Variants in EPHA6 observed in about 807,000 individuals in gnomAD.
EPHA6 encodes EPH receptor A6, also known as ephrin type-A receptor 6.
Under a neutral mutation model 112.0 loss-of-function variants are expected in EPHA6, and 50 were observed. The observed-to-expected ratio is 0.45, with a 90% confidence interval of 0.36 to 0.56. The LOEUF is 0.56. EPHA6 is among the 20% of genes least tolerant of loss of function. EPHA6 has a pLI of 0.00. For synonymous variants in EPHA6, 529 were observed against 490.7 expected, an observed-to-expected ratio of 1.08 and a Z score of -1.03; for missense variants, 1,280 against 1,417.4, an observed-to-expected ratio of 0.90 and a Z score of 1.56.
At chr3:97,352,096 G>A (rs757270184) in intron 5 of EPHA6, among the ~76,000 whole-genome samples, 3 of 151,926 alleles carry the variant, frequency 2.0e-5, no homozygotes, top group Non-Finnish European at 4.4e-5. Context: ...AATGACCTAA[G>A]AGTCAATGAA....
At chr3:96,841,320 G>A (rs774787617) in intron 1 of EPHA6, among the ~76,000 whole-genome samples, 16 of 152,102 alleles carry the variant, frequency 1.1e-4, no homozygotes, top group Non-Finnish European at 1.8e-4. Context: ...AACAGAATGC[G>A]GGCGGGTTTG....
At chr3:96,947,272 T>G (rs2041314814) in intron 2 of EPHA6, among the ~76,000 whole-genome samples, 1 of 152,206 alleles carries the variant, frequency 6.6e-6, no homozygotes, top group Admixed American at 6.5e-5. Flanking sequence ...ATGTCTTGAA[T>G]GGTATTGCCT....
chr3:97,246,943 A>G (rs1312528173), intron 5 of EPHA6, among the ~76,000 whole-genome samples: 1 of 152,034 alleles, frequency 6.6e-6, no homozygotes, highest in Non-Finnish European at 1.5e-5. Flanking sequence ...GTCAGAGTGT[A>G]GTGTTCAATT....
chr3:97,588,783 G>A (rs548045724), intron 11 of EPHA6, among the ~76,000 whole-genome samples: 13 of 152,240 alleles, frequency 8.5e-5, no homozygotes, highest in South Asian at 6.2e-4. Context: ...CACAGTTTAA[G>A]CTCATTGTTA....
intron 5 of EPHA6, among the ~76,000 whole-genome samples, chr3:97,259,648 T>A (rs535038930): frequency 6.6e-6 from 1 of 152,282 alleles, no homozygotes; most frequent in East Asian, 1.9e-4. Flanking sequence ...AAGCATTTAT[T>A]AAGTCATAAT....
At chr3:97,188,778 TATA>T (rs1185216967) in intron 3 of EPHA6, among the ~76,000 whole-genome samples, 2 of 151,918 alleles carry the variant, frequency 1.3e-5, no homozygotes, top group African/African-American at 4.8e-5. Context: ...TGTACAGAGT[TATA>T]GTATTGCTGA....
At chr3:97,342,625 T>G (rs1326881662) in intron 5 of EPHA6, among the ~76,000 whole-genome samples, 1 of 152,136 alleles carries the variant, frequency 6.6e-6, no homozygotes, top group Non-Finnish European at 1.5e-5. Flanking sequence ...GATGGAGCAT[T>G]TAGGAGGTAA....
chr3:97,577,989 C>T (rs1418116079), intron 11 of EPHA6, among the ~76,000 whole-genome samples: 1 of 151,756 alleles, frequency 6.6e-6, no homozygotes, highest in Non-Finnish European at 1.5e-5. Flanking sequence ...AAATAATTGC[C>T]CAGATAGAGT....
chr3:97,611,702 T>C (rs1007193010), intron 13 of EPHA6, among the ~76,000 whole-genome samples: 11 of 151,934 alleles, frequency 7.2e-5, no homozygotes, highest in Non-Finnish European at 1.3e-4. Flanking sequence ...TATATATATA[T>C]AACTATTTTT....
chr3:97,496,119 T>A (rs1246471554), intron 10 of EPHA6, among the ~76,000 whole-genome samples: 2 of 152,156 alleles, frequency 1.3e-5, no homozygotes, highest in African/African-American at 4.8e-5. Context: ...ACTAAATGAA[T>A]TCACAGCATG....
At chr3:97,106,642 G>T (rs890317873) in intron 3 of EPHA6, among the ~76,000 whole-genome samples, 1 of 152,092 alleles carries the variant, frequency 6.6e-6, no homozygotes, top group Admixed American at 6.6e-5. Context: ...CCAGGATACA[G>T]AAAGCCCTCT....
chr3:96,904,060 G>T (rs1020479724), intron 2 of EPHA6, among the ~76,000 whole-genome samples: 1 of 151,998 alleles, frequency 6.6e-6, no homozygotes, highest in Admixed American at 6.6e-5. Flanking sequence ...GATTCCTCAG[G>T]GATCTAGAAC....
At chr3:97,343,497 A>G (rs1002577352) in intron 5 of EPHA6, among the ~76,000 whole-genome samples, 2 of 152,224 alleles carry the variant, frequency 1.3e-5, no homozygotes, top group African/African-American at 4.8e-5. Flanking sequence ...CTGCCTGTCT[A>G]TATTACAAAA....
At chr3:97,744,866 T>A (rs2035646617) in intron 16 of EPHA6, among the ~76,000 whole-genome samples, 2 of 151,974 alleles carry the variant, frequency 1.3e-5, no homozygotes, top group African/African-American at 4.8e-5. Context: ...GAAAGTCACT[T>A]TAATACATTC....
At chr3:97,570,516 G>T (rs1415934691) in intron 11 of EPHA6, among the ~76,000 whole-genome samples, 1 of 152,170 alleles carries the variant, frequency 6.6e-6, no homozygotes, top group Non-Finnish European at 1.5e-5. Flanking sequence ...TGGATCACGA[G>T]GTCGGGAGTT....
At position 96,990,748 on chromosome 3, in the gene EPHA6, G is replaced by A. The variant is rs547972971; in HGVS notation, c.1114+2755G>A. 2.0e-5 allele frequency among the ~76,000 whole-genome samples: 3 copies of A among 152,138 alleles called. No homozygotes were observed. In the East Asian group the frequency reaches 5.8e-4, roughly 29 times the overall value. ...TTTATGTGTGTTCTTGATGTTGTGT[G>A]TTGCCCCTTTCTTTCCTCTGATGAG... On this transcript the variant is annotated intron_variant, in intron 3 of 17. Coordinates refer to ENST00000389672, the MANE Select transcript of EPHA6 (RefSeq NM_001080448.3).
intron 2 of EPHA6, among the ~76,000 whole-genome samples, chr3:96,939,709 A>C (rs956133006): frequency 2.6e-5 from 4 of 152,044 alleles, no homozygotes; most frequent in Admixed American, 1.3e-4. Flanking sequence ...GTGTCAATTT[A>C]GGATCTTTCT....
intron 3 of EPHA6, among the ~76,000 whole-genome samples, chr3:97,157,629 A>G (rs2076319071): frequency 6.6e-6 from 1 of 151,938 alleles, no homozygotes; most frequent in South Asian, 2.1e-4. Context: ...GAGACCCAGG[A>G]CAGCCTATAG....
intron 5 of EPHA6, among the ~76,000 whole-genome samples, chr3:97,297,043 ACT>A (rs1274908245): frequency 6.6e-6 from 1 of 152,026 alleles, no homozygotes; most frequent in Non-Finnish European, 1.5e-5. Flanking sequence ...CTCAGCATGA[ACT>A]CTCTCTTTGG....
Sources: gnomAD v4.1 joint callset for allele counts (sites outside exome capture counted in the v4.1 genomes callset) on GRCh38, gnomAD v4.1.1 for gene constraint, MANE v1.5 for transcripts, NCBI Gene and HGNC (gene_info 2026-07-23, HGNC 2026-07-21) for gene names.